MAP2: variants seen among roughly 807,000 people sequenced by gnomAD.
MAP2 encodes microtubule associated protein 2, also known as microtubule-associated protein 2.
Under a neutral mutation model 137.6 loss-of-function variants are expected in MAP2, and 14 were observed. That is an observed-to-expected ratio of 0.10 (90% CI 0.07 to 0.16). The LOEUF is 0.16. Among genes scored for constraint, MAP2 ranks in the 10% least tolerant of loss-of-function variants. The probability of loss-of-function intolerance (pLI) is 1.00; values close to 1 mark genes in which losing one functional copy is unlikely to be tolerated. For synonymous variants in MAP2, 786 were observed against 782.3 expected, an observed-to-expected ratio of 1.00 and a Z score of -0.08; for missense variants, 2,088 against 2,191.5, an observed-to-expected ratio of 0.95 and a Z score of 0.94.
intron 3 of MAP2, among the ~76,000 whole-genome samples, chr2:209,595,658 T>G (rs906045134): frequency 1.3e-5 from 2 of 152,186 alleles, no homozygotes; most frequent in African/African-American, 4.8e-5. Context: ...CACATGCACA[T>G]GTATGTTTAT....
At chr2:209,637,074 A>G (rs2093630353) in intron 4 of MAP2, among the ~76,000 whole-genome samples, 1 of 152,146 alleles carries the variant, frequency 6.6e-6, no homozygotes, top group Non-Finnish European at 1.5e-5. Context: ...ACCTACCTGA[A>G]TAGTATTCTC....
rs369057762 is a variant in MAP2 at position 209,636,954 on chromosome 2, C to T, written c.-30+11825C>T. Among the ~76,000 whole-genome samples the T allele has an allele frequency of 3.3e-5, 5 of 152,196 alleles. No homozygotes were observed. In the South Asian group the frequency reaches 8.3e-4, roughly 25 times the overall value. On this transcript the variant is annotated intron_variant, in intron 4 of 15. Coordinates refer to ENST00000682079, the MANE Select transcript of MAP2 (RefSeq NM_001375505.1). ...TCCAGGATCTACCATGCTTAAGAGC[C>T]TACAAAGACTTCCCAGCTTGTATAG...
intron 2 of MAP2, among the ~76,000 whole-genome samples, chr2:209,561,312 A>G (rs1375009841): frequency 6.6e-6 from 1 of 152,204 alleles, no homozygotes; most frequent in Non-Finnish European, 1.5e-5. Context: ...TGGGTTTGGT[A>G]GGGCTTTATT....
chr2:209,692,584 C>G, intron 7 of MAP2, 41 bp from the exon 8 acceptor site: 1 of 1,520,054 alleles, frequency 6.6e-7, no homozygotes, highest in South Asian at 1.3e-5. Context: ...CCTGAACGCA[C>G]TTGCCTATTA....
intron 2 of MAP2, among the ~76,000 whole-genome samples, chr2:209,547,658 C>G (rs2068356201): frequency 6.6e-6 from 1 of 152,136 alleles, no homozygotes. Flanking sequence ...TACTTAACCT[C>G]TCTGTGCCTT....
At chr2:209,559,479 C>CAAAAAAAAAAAAAAAAA in intron 2 of MAP2, among the ~76,000 whole-genome samples, 1 of 37,544 alleles carries the variant, frequency 2.7e-5, no homozygotes, top group Non-Finnish European at 5.5e-5. Flanking sequence ...GCCAAAAATA[C>CAAAAAAAAAAAAAAAAA]AAAAAAAAAA....
chr2:209,489,789 CA>C (rs1211939029), intron 1 of MAP2, among the ~76,000 whole-genome samples: 1 of 151,874 alleles, frequency 6.6e-6, no homozygotes, highest in Non-Finnish European at 1.5e-5. Context: ...AATATGGGAC[CA>C]TGTGAAAACG....
intron 1 of MAP2, among the ~76,000 whole-genome samples, chr2:209,440,134 C>A (rs187812328): frequency 6.6e-6 from 1 of 151,542 alleles, no homozygotes; most frequent in African/African-American, 2.4e-5. Flanking sequence ...ATTTTTGTTT[C>A]CTTGTTTGTA....
intron 1 of MAP2, among the ~76,000 whole-genome samples, chr2:209,434,852 A>ATATATATATATGT (rs1695357745): frequency 3.1e-5 from 3 of 95,344 alleles, no homozygotes; most frequent in African/African-American, 2.4e-4. Flanking sequence ...TATATATGTT[A>ATATATATATATGT]TATATATATG....
chr2:209,457,354 A>T (rs1424203726), intron 1 of MAP2, among the ~76,000 whole-genome samples: 1 of 152,162 alleles, frequency 6.6e-6, no homozygotes, highest in Admixed American at 6.5e-5. Context: ...TATGTATCTT[A>T]TCTGGGGAGC....
rs568435418 is a variant in MAP2 at position 209,692,504 on chromosome 2, C to G, written c.455-121C>G. 3 of 1,057,854 alleles carry G rather than the reference C, an allele frequency of 2.8e-6. No individual in the cohort carries two copies. The East Asian group carries it at 7.6e-5, about 27-fold the overall frequency. The allele number at this position is 1,057,854 out of a possible 1,614,324, so 65.5% of individuals were successfully genotyped here. On this transcript the variant is annotated intron_variant, in intron 7 of 15. Transcript: ENST00000682079. ...GACTTTTACATGGGTAGCATGCTTG[C>G]ATGTTCCATAATTTTTGTTTTTATT...
At chr2:209,680,954 T>C (rs2054299569) in intron 7 of MAP2, 127 bp downstream of exon 7, 1 of 570,418 alleles carries the variant, frequency 1.8e-6, no homozygotes, top group Non-Finnish European at 3.0e-6. Flanking sequence ...CTGTTTCAAA[T>C]AATGAAGAAG....
intron 1 of MAP2, among the ~76,000 whole-genome samples, chr2:209,467,650 T>G (rs2149672872): frequency 6.6e-6 from 1 of 152,338 alleles, no homozygotes; most frequent in East Asian, 1.9e-4. Context: ...ATTTTATTTC[T>G]CTGCATTTCT....
chr2:209,440,681 G>A (rs1697544028), intron 1 of MAP2, among the ~76,000 whole-genome samples: 1 of 151,450 alleles, frequency 6.6e-6, no homozygotes, highest in African/African-American at 2.4e-5. Context: ...TTTAATTAGG[G>A]AAATCTGAAT....
At chr2:209,462,050 T>A (rs1208873870) in intron 1 of MAP2, among the ~76,000 whole-genome samples, 3 of 152,178 alleles carry the variant, frequency 2.0e-5, no homozygotes, top group Non-Finnish European at 4.4e-5. Context: ...ATCACACTTA[T>A]CAAAACTGTA....
rs2058299296 is a variant in MAP2 at position 209,485,735 on chromosome 2, C to T, written c.-221-21857C>T. 2.0e-5 allele frequency among the ~76,000 whole-genome samples: 3 copies of T among 152,194 alleles called. No homozygotes were observed. The South Asian group carries it at 6.2e-4, about 31-fold the overall frequency. On this transcript the variant is annotated intron_variant, in intron 1 of 15. Transcript: ENST00000682079. ...TTGGCACCAACACTGCTACTATAATCCCACACTAGTCTCCAAATATTTTTG... is the reference window on the plus strand; with the variant it reads ...TTGGCACCAACACTGCTACTATAATTCCACACTAGTCTCCAAATATTTTTG...
chr2:209,661,967 A>C (rs1222069837), intron 5 of MAP2, among the ~76,000 whole-genome samples: 1 of 152,224 alleles, frequency 6.6e-6, no homozygotes. Flanking sequence ...TACAGCTATA[A>C]GGTAGTTTGT....
chr2:209,559,479 C>CAAAAAA (rs59788211), intron 2 of MAP2, among the ~76,000 whole-genome samples: 184 of 37,550 alleles, frequency 4.9e-3, no homozygotes, highest in African/African-American at 8.9e-3. Flanking sequence ...GCCAAAAATA[C>CAAAAAA]AAAAAAAAAA....
At chr2:209,513,820 A>G (rs1156322135) in intron 2 of MAP2, among the ~76,000 whole-genome samples, 1 of 152,066 alleles carries the variant, frequency 6.6e-6, no homozygotes, top group Admixed American at 6.6e-5. Context: ...TGAACAAATG[A>G]GGAGGGATAG....
Sources: allele counts gnomAD v4.1 joint callset (sites outside exome capture counted in the v4.1 genomes callset), GRCh38; gene constraint gnomAD v4.1.1; transcripts MANE v1.5; gene names NCBI Gene and HGNC (gene_info 2026-07-23, HGNC 2026-07-21).